The following CACNA2D1 variants were observed in gnomAD, a reference collection of about 807,000 sequenced individuals.
CACNA2D1 encodes calcium voltage-gated channel auxiliary subunit alpha2delta 1, also known as voltage-dependent calcium channel subunit alpha-2/delta-1.
In CACNA2D1, 53 loss-of-function variants were observed where a neutral mutation model predicts 171.5. The observed-to-expected ratio is 0.31, with a 90% confidence interval of 0.25 to 0.39. The LOEUF (loss-of-function observed/expected upper bound fraction) is 0.39, where lower values mean the gene tolerates loss of function less well. Ranked by LOEUF, CACNA2D1 falls within the 10% of genes least tolerant of loss-of-function variation. The probability of loss-of-function intolerance (pLI) is 1.00; values close to 1 mark genes in which losing one functional copy is unlikely to be tolerated. For missense variants in CACNA2D1, 903 were observed against 1,299.8 expected, an observed-to-expected ratio of 0.69 and a Z score of 4.69; for synonymous variants, 442 against 443.1, an observed-to-expected ratio of 1.00 and a Z score of 0.03.
chr7:82,441,623 A>G (rs1177376507), intron 1 of CACNA2D1, among the ~76,000 whole-genome samples: 1 of 152,164 alleles, frequency 6.6e-6, no homozygotes, highest in Non-Finnish European at 1.5e-5. Context: ...TTAATATTTT[A>G]CCACAGTATG....
chr7:82,171,090 T>C (rs1795971212), intron 3 of CACNA2D1, among the ~76,000 whole-genome samples: 2 of 152,066 alleles, frequency 1.3e-5, no homozygotes, highest in African/African-American at 4.8e-5. Context: ...CTGAAATAAC[T>C]TCCCCTTTGA....
intron 5 of CACNA2D1, among the ~76,000 whole-genome samples, chr7:82,118,505 G>A (rs1048389071): frequency 6.6e-6 from 1 of 151,982 alleles, no homozygotes; most frequent in Non-Finnish European, 1.5e-5. Context: ...TATTATTCCT[G>A]GCTTTGCAAT....
intron 1 of CACNA2D1, among the ~76,000 whole-genome samples, chr7:82,377,879 G>A (rs1176965054): frequency 1.3e-5 from 2 of 152,084 alleles, no homozygotes; most frequent in African/African-American, 2.4e-5. Flanking sequence ...TCATCCAAAG[G>A]ATGTAGTCTA....
Position 82,084,827 on chromosome 7 carries a change from G to A in CACNA2D1, c.600C>T (p.Asp200=). 6.2e-7 allele frequency: 1 copy of A among 1,613,904 alleles called. No homozygotes were observed. The part of the protein sequence containing the change: ...DEVFKKNREE[D]PSLLWQVFGS... ...CAAAAACCTGCCACAATAATGAAGG[G>A]TCTTCCTCGCGATTCTTTTTGAAAA... Residue 200 remains aspartate (D), a synonymous_variant, in exon 7 of 39, where the codon GAC becomes GAT. Transcript: ENST00000356860.
intron 3 of CACNA2D1, among the ~76,000 whole-genome samples, chr7:82,257,881 T>C (rs964437668): frequency 6.6e-6 from 1 of 152,210 alleles, no homozygotes; most frequent in Non-Finnish European, 1.5e-5. Flanking sequence ...TGTAGATTTA[T>C]CTTATAAAGA....
chr7:81,998,752 T>G (rs1019815955), intron 18 of CACNA2D1, among the ~76,000 whole-genome samples: 1 of 152,132 alleles, frequency 6.6e-6, no homozygotes, highest in African/African-American at 2.4e-5. Flanking sequence ...CTGACCAGTA[T>G]TGGTAAGATA....
intron 18 of CACNA2D1, among the ~76,000 whole-genome samples, chr7:81,997,776 C>A (rs1212295078): frequency 2.0e-5 from 3 of 151,714 alleles, no homozygotes; most frequent in East Asian, 1.9e-4. Context: ...AGAAAAGGTG[C>A]AAGTTTGCTT....
intron 1 of CACNA2D1, among the ~76,000 whole-genome samples, chr7:82,393,878 A>T (rs1476516206): frequency 2.0e-5 from 3 of 152,222 alleles, no homozygotes; most frequent in Non-Finnish European, 2.9e-5. Flanking sequence ...AGATAAACAG[A>T]CACCTCATAG....
chr7:81,992,320 GAAGA>G (rs1370932402), intron 20 of CACNA2D1, among the ~76,000 whole-genome samples: 10 of 152,062 alleles, frequency 6.6e-5, no homozygotes, highest in Admixed American at 6.6e-4. Flanking sequence ...ATTTATTGAT[GAAGA>G]AATAAGTGTT....
At chr7:82,270,504 TTTGGG>T (rs1382074410) in intron 3 of CACNA2D1, among the ~76,000 whole-genome samples, 3 of 152,144 alleles carry the variant, frequency 2.0e-5, no homozygotes, top group African/African-American at 7.2e-5. Flanking sequence ...TTAAAGGACA[TTTGGG>T]TTGTTTCCAG....
intron 1 of CACNA2D1, among the ~76,000 whole-genome samples, chr7:82,398,299 T>C (rs1311341767): frequency 1.3e-5 from 2 of 152,212 alleles, no homozygotes; most frequent in African/African-American, 4.8e-5. Flanking sequence ...CTACTCCCTA[T>C]AATTTAACAG....
chr7:82,441,079 T>C (rs1830471165), intron 1 of CACNA2D1, among the ~76,000 whole-genome samples: 1 of 152,050 alleles, frequency 6.6e-6, no homozygotes, highest in Admixed American at 6.5e-5. Flanking sequence ...TTTTTATAAA[T>C]TTGAAATTTT....
intron 3 of CACNA2D1, among the ~76,000 whole-genome samples, chr7:82,218,536 G>A (rs1801420901): frequency 6.6e-6 from 1 of 152,066 alleles, no homozygotes; most frequent in Non-Finnish European, 1.5e-5. Context: ...CTATAAAATA[G>A]GAGTGTAGAA....
intron 3 of CACNA2D1, among the ~76,000 whole-genome samples, chr7:82,225,422 C>T (rs902591202): frequency 2.0e-5 from 3 of 152,110 alleles, no homozygotes; most frequent in Non-Finnish European, 4.4e-5. Context: ...CTACTACCTA[C>T]CAGAATAGGA....
Position 81,974,551 on chromosome 7 carries a change from C to A in CACNA2D1, c.1957G>T (p.Asp653Tyr). The change falls in exon 25 of 39, where the codon GAT becomes TAT. Residue 653 changes from aspartate (D) to tyrosine (Y), a missense_variant and splice_region_variant. By Grantham distance (160) the Asp-to-Tyr change is radical (BLOSUM62 -3). Coordinates refer to ENST00000356860, the MANE Select transcript of CACNA2D1 (RefSeq NM_000722.4). ...ESGYTFIAPR[D>Y]YCNDLKISDN... ...GATATTTTCAGGTCATTGCAGTAAT[C>A]TCTGAAAAAAAAACATTTTGAGATA... The A allele has an allele frequency of 3.5e-6, 5 of 1,445,336 alleles. No individual in the cohort carries two copies. Among genetic ancestry groups the A allele is most frequent in the Non-Finnish European group, 4.8e-6 (5 of 1,032,880 alleles). 89.5% of individuals were successfully genotyped at this position (1,445,336 alleles called of 1,614,324 possible).
intron 3 of CACNA2D1, among the ~76,000 whole-genome samples, chr7:82,274,855 TATGAATGAATGAATGA>T (rs71522608): frequency 1.3e-5 from 2 of 150,390 alleles, no homozygotes; most frequent in East Asian, 2.0e-4. Context: ...TACAGGTATT[TATGAATGAATGAATGA>T]ATGAATGAAT....
intron 1 of CACNA2D1, among the ~76,000 whole-genome samples, chr7:82,371,565 AATTTT>A (rs1296375911): frequency 3.9e-5 from 6 of 152,038 alleles, no homozygotes; most frequent in Non-Finnish European, 5.9e-5. Context: ...CTACAGCCCT[AATTTT>A]ATTTTATTTT....
At chr7:82,234,119 A>C (rs946575656) in intron 3 of CACNA2D1, among the ~76,000 whole-genome samples, 10 of 152,106 alleles carry the variant, frequency 6.6e-5, no homozygotes, top group African/African-American at 2.4e-4. Flanking sequence ...CAAAGGAGAA[A>C]AATCTTCAAT....
chr7:82,138,454 T>G (rs1348272469), intron 4 of CACNA2D1, among the ~76,000 whole-genome samples: 4 of 134,354 alleles, frequency 3.0e-5, no homozygotes, highest in Non-Finnish European at 4.8e-5. Flanking sequence ...TTTTTGTTTT[T>G]TTTTTTTTTT....
Sources: gnomAD v4.1 joint callset for allele counts (sites outside exome capture counted in the v4.1 genomes callset) on GRCh38, gnomAD v4.1.1 for gene constraint, MANE v1.5 for transcripts, NCBI Gene and HGNC (gene_info 2026-07-23, HGNC 2026-07-21) for gene names.